Variants in PPP2R5C observed in about 807,000 individuals in gnomAD.
PPP2R5C encodes serine/threonine-protein phosphatase 2A 56 kDa regulatory subunit gamma isoform.
PPP2R5C carries 7 observed loss-of-function variants against 68.9 expected under a neutral mutation model. That is an observed-to-expected ratio of 0.10 (90% CI 0.06 to 0.19). PPP2R5C has a LOEUF of 0.19. PPP2R5C is among the 10% of genes least tolerant of loss of function. The probability of loss-of-function intolerance (pLI) is 1.00; values close to 1 mark genes in which losing one functional copy is unlikely to be tolerated. For synonymous variants in PPP2R5C, 210 were observed against 222.2 expected, an observed-to-expected ratio of 0.95 and a Z score of 0.49; for missense variants, 348 against 641.3, an observed-to-expected ratio of 0.54 and a Z score of 4.94.
intron 3 of PPP2R5C, among the ~76,000 whole-genome samples, chr14:101,787,230 A>T (rs780009657): frequency 1.8e-4 from 28 of 152,200 alleles, no homozygotes; most frequent in Non-Finnish European, 3.8e-4. Flanking sequence ...AGCGTGGATG[A>T]CAGACTGAGA....
rs923651689 is a variant in PPP2R5C, at chr14:101,879,617, G to T, written c.295-2544G>T. 6.6e-6 allele frequency among the ~76,000 whole-genome samples: 1 copy of T among 152,146 alleles called. No homozygotes were observed. The highest frequency in any genetic ancestry group is 1.5e-5 in the Non-Finnish European group (1 of 68,048). ...CCAGGCTCTGCCCTCCCCACACTGTGCTCTGCCCCTGTCGGCACCAGGCCG... is the reference window on the plus strand; with the variant it reads ...CCAGGCTCTGCCCTCCCCACACTGTTCTCTGCCCCTGTCGGCACCAGGCCG... On this transcript the variant is annotated intron_variant, in intron 2 of 13. Transcript: ENST00000334743. This position sits in a 1 kb window ranked among gnomAD's most constrained non-coding sequence, Gnocchi z 4.2.
chr14:101,852,838 TCTC>T (rs2042240557), intron 1 of PPP2R5C, among the ~76,000 whole-genome samples: 1 of 152,080 alleles, frequency 6.6e-6, no homozygotes, highest in African/African-American at 2.4e-5. Context: ...TTTCTCCTCT[TCTC>T]CTACGGGTTT....
chr14:101,799,466 G>A (rs959734011), intron 3 of PPP2R5C, among the ~76,000 whole-genome samples: 7 of 152,144 alleles, frequency 4.6e-5, no homozygotes, highest in African/African-American at 1.2e-4. Context: ...AAGGACCAGC[G>A]GGGATTTATT....
chr14:101,922,447 C>A (rs1353883670), intron 13 of PPP2R5C, among the ~76,000 whole-genome samples: 6 of 151,070 alleles, frequency 4.0e-5, no homozygotes, highest in Non-Finnish European at 8.8e-5. Flanking sequence ...CGAGGTTGCA[C>A]CATTGCACTC....
chr14:101,831,646 C>T (rs2040747711), intron 1 of PPP2R5C: 1 of 643,042 alleles, frequency 1.6e-6, no homozygotes, highest in Non-Finnish European at 2.9e-6. Flanking sequence ...TTGAACGTCA[C>T]AAGTTTGAAC....
At chr14:101,802,143 G>A (rs562792985) in intron 3 of PPP2R5C, among the ~76,000 whole-genome samples, 7 of 152,286 alleles carry the variant, frequency 4.6e-5, no homozygotes, top group Admixed American at 2.6e-4. Flanking sequence ...GGCCGGGCGC[G>A]GTGGCTCACG....
rs2046038621 is a variant in PPP2R5C, at chr14:101,906,611, C to T, written c.1151+82C>T. 1 of 1,451,308 alleles carries T rather than the reference C, an allele frequency of 6.9e-7. No individual in the cohort carries two copies. The allele number at this position is 1,451,308 out of a possible 1,614,324, so 89.9% of individuals were successfully genotyped here. On this transcript the variant is annotated intron_variant, in intron 10 of 13. Coordinates refer to ENST00000334743, the Ensembl canonical transcript of PPP2R5C. This position sits in a 1 kb window ranked among gnomAD's most constrained non-coding sequence, Gnocchi z 4.0. ...CTGCTACTTCAGTAAGAATAAATAT[C>T]AGAATTTTAAATATCAATTAAAAAA... is the stretch of plus-strand genomic sequence containing the variant.
chr14:101,788,396 T>G (rs2038217001), intron 3 of PPP2R5C, among the ~76,000 whole-genome samples: 1 of 152,244 alleles, frequency 6.6e-6, no homozygotes, highest in Non-Finnish European at 1.5e-5. Context: ...TTTGTCGCCG[T>G]ATATTATTCC....
chr14:101,853,126 T>G (rs931604443), intron 1 of PPP2R5C, among the ~76,000 whole-genome samples: 1 of 152,146 alleles, frequency 6.6e-6, no homozygotes, highest in South Asian at 2.1e-4. Context: ...TTTTAAAATA[T>G]GTTGATGAAG....
intron 2 of PPP2R5C, among the ~76,000 whole-genome samples, chr14:101,768,787 C>G (rs2036993740): frequency 6.6e-6 from 1 of 151,824 alleles, no homozygotes; most frequent in Non-Finnish European, 1.5e-5. Flanking sequence ...TTAGAATGCT[C>G]TACCCCCATT....
Position 101,899,734 on chromosome 14 carries a change from C to T in PPP2R5C, c.853-1985C>T, listed in dbSNP as rs78674656. ...TGTCCTTAATAGTGATTCCAATACACGCAAAGTGTGGTAGGAACACAATAA... is the reference window on the plus strand; with the variant it reads ...TGTCCTTAATAGTGATTCCAATACATGCAAAGTGTGGTAGGAACACAATAA... On this transcript the variant is annotated intron_variant, in intron 8 of 13. Transcript: ENST00000334743. This position sits in a 1 kb window ranked among gnomAD's most constrained non-coding sequence, Gnocchi z 4.2. Among the ~76,000 whole-genome samples, 5,414 of 152,258 alleles carry T rather than the reference C, an allele frequency of 0.036. 207 individuals carry two copies. Among genetic ancestry groups the T allele is most frequent in the East Asian group, 0.098 (509 of 5,186 alleles).
chr14:101,785,910 G>A (rs1203377775), intron 2 of PPP2R5C, 108 bp from the exon 3 acceptor site: 2 of 1,028,226 alleles, frequency 1.9e-6, no homozygotes, highest in African/African-American at 3.4e-5. Context: ...ATGGAGTGAA[G>A]GGGAATGCCC....
intron 1 of PPP2R5C, 59 bp downstream of exon 1, chr14:101,761,979 G>A (rs534173620): frequency 1.7e-6 from 2 of 1,177,348 alleles, no homozygotes; most frequent in South Asian, 8.4e-5. Flanking sequence ...GGGGGAGGGC[G>A]CGACGGCACC....
rs926979595 is a variant in PPP2R5C, at chr14:101,852,665, TTTCACCA to T, written c.95-4019_95-4013del. Reference sequence around the variant, plus strand: ...TTTGTATTTTTTAGTAGAGATGGGGTTTCACCATGTTGGCTAGGCTAGTCTCGAACTC... The same window carrying T: ...TTTGTATTTTTTAGTAGAGATGGGGTTGTTGGCTAGGCTAGTCTCGAACTC... On this transcript the variant is annotated intron_variant, in intron 1 of 13. Transcript: ENST00000334743. 6.6e-5 allele frequency among the ~76,000 whole-genome samples: 10 copies of T among 151,970 alleles called. No individual in the cohort carries two copies. The South Asian group carries it at 1.9e-3, about 29-fold the overall frequency.
chr14:101,790,155 ATAAAAGAATT>A (rs1330032405), intron 3 of PPP2R5C, among the ~76,000 whole-genome samples: 1 of 152,100 alleles, frequency 6.6e-6, no homozygotes, highest in African/African-American at 2.4e-5. Context: ...CTTTTTAATA[ATAAAAGAATT>A]TAAAGCCACG....
upstream of PPP2R5C, among the ~76,000 whole-genome samples, chr14:101,761,193 T>A (rs1048094700): frequency 1.3e-5 from 2 of 152,112 alleles, no homozygotes; most frequent in East Asian, 1.9e-4. Flanking sequence ...CAGGCACTCT[T>A]GACTGCAACG....
intron 1 of PPP2R5C, among the ~76,000 whole-genome samples, chr14:101,826,955 G>A (rs2040434931): frequency 6.8e-6 from 1 of 147,174 alleles, no homozygotes; most frequent in African/African-American, 2.5e-5. Context: ...ATACTTAAGT[G>A]TAAAAATGTT....
intron 6 of PPP2R5C, among the ~76,000 whole-genome samples, 182 bp from the exon 9 acceptor site, chr14:101,892,818 G>A (rs2045045854): frequency 1.3e-5 from 2 of 152,108 alleles, no homozygotes; most frequent in African/African-American, 4.8e-5. Context: ...TCCGGGTTCA[G>A]ATGATCCTGC....
chr14:101,927,005 A>T (rs944468598), exon 14 of PPP2R5C: 7 of 152,018 alleles, frequency 4.6e-5, no homozygotes, highest in Non-Finnish European at 7.4e-5. Flanking sequence ...AACTATCATT[A>T]AAAAAAACAG....
Sources: gnomAD v4.1 joint callset for allele counts (sites outside exome capture counted in the v4.1 genomes callset) on GRCh38, gnomAD v4.1.1 for gene constraint, Gnocchi (gnomAD v3.1) non-coding constraint, MANE v1.5 for transcripts, NCBI Gene and HGNC (gene_info 2026-07-23, HGNC 2026-07-21) for gene names.